The following TOB2 variants were observed in gnomAD, a reference collection of about 807,000 sequenced individuals.
The protein encoded by TOB2 is protein Tob2.
TOB2 carries 3 observed loss-of-function variants against 17.3 expected under a neutral mutation model. The ratio of observed to expected loss-of-function variants is 0.17; its 90% CI spans 0.08 to 0.45. The LOEUF (loss-of-function observed/expected upper bound fraction) is 0.45. Among genes scored for constraint, TOB2 ranks in the 20% least tolerant of loss-of-function variants. TOB2 has a pLI of 0.99. For missense variants in TOB2, 407 were observed against 445.7 expected (o/e 0.91, Z 0.78); for synonymous variants, 163 against 185.6 (o/e 0.88, Z 0.99).
In TOB2 at chr22:41,446,624, G is replaced by GCGGA. The variant is rs146028911; in HGVS notation, c.-312_-309dup. On this transcript the variant is annotated 5_prime_UTR_variant, in exon 1 of 2. Coordinates refer to ENST00000327492, the MANE Select transcript of TOB2 (RefSeq NM_016272.4). The stretch of plus-strand genomic sequence containing the variant: ...CAGCGGGGGGCCCGAGGGCGGGCGG[G>GCGGA]CGGACTAGCGGCGACGACGCGGGGA... 0.037 allele frequency: 5,667 copies of GCGGA among 153,252 alleles called. 322 individuals carry two copies. The highest frequency in any genetic ancestry group is 0.13 in the African/African-American group (5,207 of 41,540). The allele number at this position is 153,252 out of a possible 1,614,324, so 9.5% of individuals were successfully genotyped here.
At chr22:41,441,112 T>C (rs2037615092) in intron 1 of TOB2, among the ~76,000 whole-genome samples, 1 of 150,452 alleles carries the variant, frequency 6.6e-6, no homozygotes, top group African/African-American at 2.4e-5. Flanking sequence ...GGTCAGGAGA[T>C]TGAGACCATC....
chr22:41,438,556 G>T (rs1198482307), intron 1 of TOB2, among the ~76,000 whole-genome samples: 8 of 145,278 alleles, frequency 5.5e-5, no homozygotes, highest in African/African-American at 1.8e-4. Context: ...CTTGAACCCA[G>T]GAGGCGGAGG....
intron 1 of TOB2, among the ~76,000 whole-genome samples, chr22:41,440,723 C>G (rs890923586): frequency 6.6e-6 from 1 of 152,118 alleles, no homozygotes; most frequent in African/African-American, 2.4e-5. Context: ...TGCACCACCA[C>G]ACCTGGCTAA....
chr22:41,442,307 T>G (rs941392508), intron 1 of TOB2, among the ~76,000 whole-genome samples: 2 of 152,198 alleles, frequency 1.3e-5, no homozygotes, highest in Admixed American at 1.3e-4. Context: ...TACACCTTTC[T>G]AAGCCTCCTC....
chr22:41,442,111 G>GA (rs1399047323), intron 1 of TOB2, among the ~76,000 whole-genome samples: 1 of 135,636 alleles, frequency 7.4e-6, no homozygotes, highest in African/African-American at 2.7e-5. Context: ...AAAAAAAAAA[G>GA]AAAAAAAAGT....
intron 1 of TOB2, among the ~76,000 whole-genome samples, chr22:41,441,811 T>C (rs1293065516): frequency 6.6e-6 from 1 of 151,200 alleles, no homozygotes; most frequent in Admixed American, 6.6e-5. Context: ...CTCAGGAGGC[T>C]GAGGCAGGAG....
intron 1 of TOB2, among the ~76,000 whole-genome samples, chr22:41,437,885 G>A (rs943071608): frequency 7.2e-6 from 1 of 139,270 alleles, no homozygotes; most frequent in Admixed American, 7.6e-5. Context: ...AGGAGGCAGA[G>A]GTTGCAGTGA....
Position 41,437,382 on chromosome 22 carries a change from T to A in TOB2, c.-37A>T. On this transcript the variant is annotated 5_prime_UTR_variant, in exon 2 of 2. Transcript: ENST00000327492. ...AGGCAGAGAATCAGCACAGGGCACG[T>A]GTACAGCCTTGGGCTCCAGGCGGCT... 6.3e-7 allele frequency: 1 copy of A among 1,577,828 alleles called. No individual in the cohort carries two copies.
Position 41,441,954 on chromosome 22 carries a change from T to C in TOB2, c.-63+4425A>G, listed in dbSNP as rs145081879. On this transcript the variant is annotated intron_variant, in intron 1 of 1. Coordinates refer to ENST00000327492, the MANE Select transcript of TOB2 (RefSeq NM_016272.4). ...AAACCCCATAAAAATTAGCCCAGCATGATTGCGGGTGCCTATAATCCCACT... is the reference window on the plus strand; with the variant it reads ...AAACCCCATAAAAATTAGCCCAGCACGATTGCGGGTGCCTATAATCCCACT... Among the ~76,000 whole-genome samples the C allele has an allele frequency of 2.6e-5, 4 of 151,446 alleles. No individual in the cohort carries two copies. In the East Asian group the frequency reaches 7.7e-4, roughly 29 times the overall value.
chr22:41,438,377 C>T (rs1013524527), intron 1 of TOB2, among the ~76,000 whole-genome samples: 3 of 151,844 alleles, frequency 2.0e-5, no homozygotes, highest in Admixed American at 6.6e-5. Context: ...GCCTGTAATC[C>T]CAGCACTTTG....
chr22:41,438,728 T>C (rs1185346313), intron 1 of TOB2, among the ~76,000 whole-genome samples: 4 of 146,184 alleles, frequency 2.7e-5, no homozygotes, highest in Non-Finnish European at 4.5e-5. Flanking sequence ...ATCAGAGATG[T>C]GGACCAACAA....
intron 1 of TOB2, among the ~76,000 whole-genome samples, chr22:41,442,174 GT>G (rs1338702544): frequency 1.3e-5 from 2 of 151,728 alleles, no homozygotes; most frequent in Admixed American, 1.3e-4. Flanking sequence ...GTTAAAGACA[GT>G]GTTTCCAAAG....
chr22:41,440,628 G>A (rs1405141382), intron 1 of TOB2, among the ~76,000 whole-genome samples: 16 of 142,852 alleles, frequency 1.1e-4, no homozygotes, highest in East Asian at 2.1e-4. Context: ...ATGCAGTGGC[G>A]TGATCTCGAC....
At chr22:41,445,083 T>C (rs771120304) in intron 1 of TOB2, among the ~76,000 whole-genome samples, 12 of 152,244 alleles carry the variant, frequency 7.9e-5, no homozygotes, top group Non-Finnish European at 1.3e-4. Flanking sequence ...CCAGTCAAGC[T>C]GTGGGGAGGC....
chr22:41,445,088 G>T (rs1302477477), intron 1 of TOB2, among the ~76,000 whole-genome samples: 1 of 152,238 alleles, frequency 6.6e-6, no homozygotes, highest in Non-Finnish European at 1.5e-5. Flanking sequence ...CAAGCTGTGG[G>T]GAGGCGCCAG....
At chr22:41,438,825 G>C (rs897054302) in intron 1 of TOB2, among the ~76,000 whole-genome samples, 2 of 151,802 alleles carry the variant, frequency 1.3e-5, no homozygotes, top group Admixed American at 1.3e-4. Context: ...TAAGTGATGA[G>C]GGTGGCAGAG....
chr22:41,438,628 C>G (rs2037579830), intron 1 of TOB2, among the ~76,000 whole-genome samples: 2 of 4,572 alleles, frequency 4.4e-4, no homozygotes, highest in Non-Finnish European at 9.4e-4. Context: ...GAAACTCTGT[C>G]TCAAAAAAAA....
At chr22:41,445,753 G>A (rs933825928) in intron 1 of TOB2, among the ~76,000 whole-genome samples, 9 of 152,134 alleles carry the variant, frequency 5.9e-5, no homozygotes, top group Admixed American at 3.9e-4. Flanking sequence ...CTGCTCTAAG[G>A]GTACTTTTTT....
In TOB2 at chr22:41,446,433, C is replaced by T. The variant is rs1465350660; in HGVS notation, c.-117G>A. The T allele has an allele frequency of 6.5e-6, 1 of 152,686 alleles. No individual in the cohort carries two copies. The highest frequency in any genetic ancestry group is 2.4e-5 in the African/African-American group (1 of 41,482). 9.5% of individuals were successfully genotyped at this position (152,686 alleles called of 1,614,324 possible). A position where few individuals can be genotyped will look rare whatever the true frequency, so the allele number is the denominator to read the frequency against. Reference sequence around the variant, plus strand: ...CCGGCCGCGGGGCGGCTTCTCCCTCCAGGGTGGCCTGAGCGCGGGGCGGAG... The same window carrying T: ...CCGGCCGCGGGGCGGCTTCTCCCTCTAGGGTGGCCTGAGCGCGGGGCGGAG... On this transcript the variant is annotated 5_prime_UTR_variant, in exon 1 of 2. Coordinates refer to ENST00000327492, the MANE Select transcript of TOB2 (RefSeq NM_016272.4).
Sources: allele counts gnomAD v4.1 joint callset (sites outside exome capture counted in the v4.1 genomes callset), GRCh38; gene constraint gnomAD v4.1.1; transcripts MANE v1.5; gene names NCBI Gene and HGNC (gene_info 2026-07-23, HGNC 2026-07-21).